LDLRAD4: variants seen among roughly 807,000 people sequenced by gnomAD.
The protein encoded by LDLRAD4 is low-density lipoprotein receptor class A domain-containing protein 4.
Under a neutral mutation model 17.0 loss-of-function variants are expected in LDLRAD4, and 5 were observed. The ratio of observed to expected loss-of-function variants is 0.29; its 90% confidence interval spans 0.15 to 0.62. LDLRAD4 has a LOEUF of 0.62. Among genes scored for constraint, LDLRAD4 ranks in the 20% least tolerant of loss-of-function variants. The pLI, the probability that LDLRAD4 is intolerant of heterozygous loss-of-function variation, is 0.84. For synonymous variants in LDLRAD4, 168 were observed against 171.8 expected, an observed-to-expected ratio of 0.98 and a Z score of 0.17; for missense variants, 340 against 424.7, an observed-to-expected ratio of 0.80 and a Z score of 1.75.
At chr18:13,568,981 C>T (rs531151387) in intron 3 of LDLRAD4, among the ~76,000 whole-genome samples, 1 of 152,240 alleles carries the variant, frequency 6.6e-6, no homozygotes, top group East Asian at 1.9e-4. Context: ...GCACCCTCTA[C>T]CCAATGTGAT....
chr18:13,504,607 TAGTAG>T (rs1253188436), intron 3 of LDLRAD4, among the ~76,000 whole-genome samples: 44 of 152,140 alleles, frequency 2.9e-4, no homozygotes, highest in Admixed American at 2.9e-3. Context: ...TTTGTACTTT[TAGTAG>T]AGATGGGGTT....
At chr18:13,574,013 G>T (rs931998421) in intron 3 of LDLRAD4, among the ~76,000 whole-genome samples, 4 of 152,186 alleles carry the variant, frequency 2.6e-5, no homozygotes, top group African/African-American at 9.7e-5. Flanking sequence ...TTCATGCATA[G>T]CGATGGATAC....
chr18:13,652,121 C>A (rs1392312624), exon 6 of LDLRAD4: 1 of 152,122 alleles, frequency 6.6e-6, no homozygotes, highest in East Asian at 1.9e-4. Context: ...AACAAAGCTC[C>A]CACCCCCCAG....
intron 4 of LDLRAD4, among the ~76,000 whole-genome samples, chr18:13,635,968 T>TGTGTGTGTGA (rs1344178358): frequency 1.3e-3 from 199 of 147,948 alleles, no homozygotes; most frequent in African/African-American, 4.6e-3. Context: ...TGTGTGTGTG[T>TGTGTGTGTGA]GATTGTGCCT....
chr18:13,594,438 C>T (rs898106951), intron 3 of LDLRAD4, among the ~76,000 whole-genome samples: 1 of 151,892 alleles, frequency 6.6e-6, no homozygotes, highest in Non-Finnish European at 1.5e-5. Context: ...TGCCTGAAAT[C>T]CCAGCACTTT....
chr18:13,581,879 G>A (rs551916570), intron 3 of LDLRAD4, among the ~76,000 whole-genome samples: 6 of 152,144 alleles, frequency 3.9e-5, no homozygotes, highest in African/African-American at 9.7e-5. Flanking sequence ...ATGCACACAC[G>A]TATGTGTGTG....
chr18:13,614,160 C>G (rs2039866527), intron 3 of LDLRAD4: 1 of 152,216 alleles, frequency 6.6e-6, no homozygotes, highest in Non-Finnish European at 1.5e-5. Flanking sequence ...TCTCCACCAG[C>G]TTCTAAATGG....
At chr18:13,467,429 A>T (rs2092653424) in intron 3 of LDLRAD4, among the ~76,000 whole-genome samples, 1 of 152,246 alleles carries the variant, frequency 6.6e-6, no homozygotes, top group African/African-American at 2.4e-5. Flanking sequence ...CCTAGAAGTA[A>T]ATTTAACCCA....
intron 2 of LDLRAD4, among the ~76,000 whole-genome samples, chr18:13,433,091 A>ATTG (rs2090446752): frequency 6.7e-6 from 1 of 149,958 alleles, no homozygotes; most frequent in Non-Finnish European, 1.5e-5. Flanking sequence ...TTAATAAAAC[A>ATTG]TTGTTGTCAC....
At chr18:13,369,961 TG>T (rs1344709685) in intron 1 of LDLRAD4, among the ~76,000 whole-genome samples, 10 of 152,130 alleles carry the variant, frequency 6.6e-5, no homozygotes, top group Non-Finnish European at 1.5e-4. Context: ...CTTGGAACTG[TG>T]GGGGATTCTG....
chr18:13,388,264 G>A (rs959149704), intron 2 of LDLRAD4, among the ~76,000 whole-genome samples: 1 of 152,234 alleles, frequency 6.6e-6, no homozygotes, highest in Non-Finnish European at 1.5e-5. Context: ...CAGTGTGCTG[G>A]TGATTTGGCC....
exon 6 of LDLRAD4, chr18:13,648,404 C>G (rs925403058): frequency 2.2e-4 from 33 of 152,234 alleles, no homozygotes; most frequent in African/African-American, 7.7e-4. Context: ...GAAAGGTCTT[C>G]GAGGCTGGGG....
intron 2 of LDLRAD4, among the ~76,000 whole-genome samples, chr18:13,406,821 T>A (rs1332996871): frequency 6.6e-6 from 1 of 152,164 alleles, no homozygotes. Context: ...GGAGGAAGCC[T>A]GTCCTCCAGG....
intron 3 of LDLRAD4, among the ~76,000 whole-genome samples, chr18:13,514,092 C>T (rs77262510): frequency 0.029 from 4,451 of 152,200 alleles, 80 homozygotes; most frequent in Middle Eastern, 0.048. Context: ...TGTACTTTGT[C>T]GTATATGTTA....
chr18:13,284,942 G>A (rs949914843), intron 1 of LDLRAD4, among the ~76,000 whole-genome samples: 53 of 152,198 alleles, frequency 3.5e-4, no homozygotes, highest in African/African-American at 1.3e-3. Context: ...AGGGAGGGGC[G>A]TCCTTTGGGG....
intron 3 of LDLRAD4, chr18:13,612,322 T>C (rs1312675658): frequency 5.6e-6 from 6 of 1,079,462 alleles, no homozygotes; most frequent in Middle Eastern, 4.3e-4. Flanking sequence ...CTGTAAACAG[T>C]AGTGCCCTGG....
At position 13,533,035 on chromosome 18, in the gene LDLRAD4, T is replaced by C. The variant is rs142123093; in HGVS notation, c.182-88082T>C. Among the ~76,000 whole-genome samples the C allele has an allele frequency of 2.4e-3, 365 of 152,318 alleles. 2 individuals are homozygous for C. The highest frequency in any genetic ancestry group is 8.2e-3 in the African/African-American group (341 of 41,568). On this transcript the variant is annotated intron_variant, in intron 3 of 5. Transcript: ENST00000359446. The stretch of plus-strand genomic sequence containing the variant: ...TGTGCCAGTGTTTTCTTGCTTCGGG[T>C]TAGATACCAGTTAATTTACCCATTG...
At chr18:13,263,869 G>C (rs987775796) in intron 1 of LDLRAD4, among the ~76,000 whole-genome samples, 3 of 152,058 alleles carry the variant, frequency 2.0e-5, no homozygotes, top group African/African-American at 7.2e-5. Flanking sequence ...CTGAACTTCA[G>C]CTTCTCCTGG....
chr18:13,272,581 C>A (rs1313855480), intron 1 of LDLRAD4, among the ~76,000 whole-genome samples: 1 of 152,242 alleles, frequency 6.6e-6, no homozygotes, highest in Non-Finnish European at 1.5e-5. Context: ...TGGGTATCAC[C>A]CCATGCCGCG....
Sources: gnomAD v4.1 joint callset for allele counts (sites outside exome capture counted in the v4.1 genomes callset) on GRCh38, gnomAD v4.1.1 for gene constraint, MANE v1.5 for transcripts, NCBI Gene and HGNC (gene_info 2026-07-23, HGNC 2026-07-21) for gene names.